DLG2: variants seen among roughly 807,000 people sequenced by gnomAD.
DLG2 encodes the protein discs large MAGUK scaffold protein 2, also known as disks large homolog 2.
DLG2 carries 45 observed loss-of-function variants against 132.5 expected under a neutral mutation model. The ratio of observed to expected loss-of-function variants is 0.34; its 90% CI spans 0.27 to 0.44. DLG2 has a LOEUF of 0.44. Among genes scored for constraint, DLG2 ranks in the 20% least tolerant of loss-of-function variants. The pLI is 1.00. For missense variants in DLG2, 1,045 were observed against 1,196.9 expected (o/e 0.87, Z 1.87); for synonymous variants, 424 against 419.6 (o/e 1.01, Z -0.13).
chr11:85,505,173 C>A (rs530427703), intron 3 of DLG2, among the ~76,000 whole-genome samples: 1 of 152,284 alleles, frequency 6.6e-6, no homozygotes, highest in East Asian at 1.9e-4. Context: ...CAAACAGGAA[C>A]AATTTGACTT....
At chr11:84,714,623 T>C (rs866323122) in intron 6 of DLG2, among the ~76,000 whole-genome samples, 8,889 of 104,742 alleles carry the variant, frequency 0.085, 491 homozygotes, top group Middle Eastern at 0.11. Flanking sequence ...CTCTTTCTCT[T>C]TCTCTCTCTC....
At chr11:84,068,305 C>T (rs2096708691) in intron 10 of DLG2, among the ~76,000 whole-genome samples, 2 of 152,200 alleles carry the variant, frequency 1.3e-5, no homozygotes, top group African/African-American at 4.8e-5. Flanking sequence ...ATTAATTCTC[C>T]CTTTTGAGTA....
At chr11:85,022,045 A>G (rs2060121289) in intron 6 of DLG2, among the ~76,000 whole-genome samples, 1 of 152,192 alleles carries the variant, frequency 6.6e-6, no homozygotes, top group Non-Finnish European at 1.5e-5. Flanking sequence ...CTTTCAAAAA[A>G]TTGCATAAAA....
At chr11:83,557,094 G>A (rs142625826) in intron 19 of DLG2, among the ~76,000 whole-genome samples, 3,863 of 152,064 alleles carry the variant, frequency 0.025, 179 homozygotes, top group African/African-American at 0.088. Context: ...TTCTTACCTG[G>A]GTCCCAGTAT....
At chr11:84,011,537 TG>T (rs2094894003) in intron 11 of DLG2, among the ~76,000 whole-genome samples, 1 of 152,066 alleles carries the variant, frequency 6.6e-6, no homozygotes, top group African/African-American at 2.4e-5. Context: ...CTCTTCTAAA[TG>T]TTACAGATTG....
At chr11:84,706,278 G>T (rs2059770980) in intron 6 of DLG2, among the ~76,000 whole-genome samples, 1 of 151,810 alleles carries the variant, frequency 6.6e-6, no homozygotes, top group Non-Finnish European at 1.5e-5. Flanking sequence ...ATAGCACAAG[G>T]TGCTAACACA....
intron 7 of DLG2, among the ~76,000 whole-genome samples, chr11:84,321,949 T>C (rs2098407345): frequency 6.6e-6 from 1 of 152,224 alleles, no homozygotes; most frequent in Non-Finnish European, 1.5e-5. Flanking sequence ...TGTGCTTCTC[T>C]ATTACAACAC....
intron 15 of DLG2, among the ~76,000 whole-genome samples, chr11:83,912,085 C>T (rs2076165758): frequency 1.3e-5 from 2 of 151,210 alleles, no homozygotes; most frequent in South Asian, 4.2e-4. Context: ...GGGCTATCAG[C>T]ATACAAGGGC....
At chr11:84,860,129 GAACAAATAAATAA>G (rs1482864731) in intron 6 of DLG2, among the ~76,000 whole-genome samples, 3 of 152,100 alleles carry the variant, frequency 2.0e-5, no homozygotes, top group Admixed American at 2.0e-4. Flanking sequence ...TTTGTTGAAT[GAACAAATAAATAA>G]ATTTCAACCT....
At chr11:84,788,702 G>T (rs1208256106) in intron 6 of DLG2, among the ~76,000 whole-genome samples, 1 of 151,810 alleles carries the variant, frequency 6.6e-6, no homozygotes, top group Non-Finnish European at 1.5e-5. Context: ...TACTACAGTG[G>T]GACCTCCATG....
At chr11:85,077,378 G>A (rs2066679626) in intron 6 of DLG2, among the ~76,000 whole-genome samples, 1 of 151,954 alleles carries the variant, frequency 6.6e-6, no homozygotes, top group Non-Finnish European at 1.5e-5. Flanking sequence ...ACTAAAAGGA[G>A]TGATAGGAAC....
chr11:83,647,045 A>C (rs2068419129), intron 18 of DLG2: 1 of 152,104 alleles, frequency 6.6e-6, no homozygotes, highest in African/African-American at 2.4e-5. Flanking sequence ...ATAAGTCCAA[A>C]TTAATGATGA....
intron 6 of DLG2, among the ~76,000 whole-genome samples, chr11:84,998,871 T>G (rs542990138): frequency 6.6e-6 from 1 of 152,240 alleles, no homozygotes; most frequent in African/African-American, 2.4e-5. Flanking sequence ...GACATGCTAT[T>G]CCTAAAAGTA....
chr11:84,168,235 T>C (rs1234129306), intron 8 of DLG2, among the ~76,000 whole-genome samples: 1 of 152,238 alleles, frequency 6.6e-6, no homozygotes, highest in African/African-American at 2.4e-5. Flanking sequence ...ATTTAAAATA[T>C]AGAGGTAGAC....
At chr11:85,184,126 A>G (rs2079921437) in intron 4 of DLG2, among the ~76,000 whole-genome samples, 1 of 151,862 alleles carries the variant, frequency 6.6e-6, no homozygotes, top group Non-Finnish European at 1.5e-5. Flanking sequence ...TCCTCTCAAC[A>G]TAGCTTGTTC....
intron 4 of DLG2, among the ~76,000 whole-genome samples, chr11:85,275,263 C>T (rs574674568): frequency 2.0e-5 from 3 of 152,132 alleles, no homozygotes; most frequent in South Asian, 4.2e-4. Flanking sequence ...CAAGACAACT[C>T]GGGTTTTTCT....
intron 16 of DLG2, among the ~76,000 whole-genome samples, chr11:83,872,232 C>A (rs1595738774): frequency 6.6e-6 from 1 of 152,198 alleles, no homozygotes; most frequent in East Asian, 1.9e-4. Context: ...CACTTCACTT[C>A]AATCTGGGTG....
intron 6 of DLG2, among the ~76,000 whole-genome samples, chr11:84,830,053 T>C (rs2078830091): frequency 1.3e-5 from 2 of 151,676 alleles, no homozygotes. Context: ...TATCATTATA[T>C]ATAATATACA....
intron 10 of DLG2, among the ~76,000 whole-genome samples, chr11:84,069,420 T>G (rs770280769): frequency 7.9e-5 from 12 of 152,178 alleles, no homozygotes; most frequent in Non-Finnish European, 1.8e-4. Context: ...AGACCACAGC[T>G]GCCATAATGT....
Sources: gnomAD v4.1 joint callset for allele counts (sites outside exome capture counted in the v4.1 genomes callset) on GRCh38, gnomAD v4.1.1 for gene constraint, MANE v1.5 for transcripts, NCBI Gene and HGNC (gene_info 2026-07-23, HGNC 2026-07-21) for gene names.